Variants in NCKAP5 observed in about 807,000 individuals in gnomAD.
NCKAP5 encodes the protein nck-associated protein 5.
In NCKAP5, 92 loss-of-function variants were observed where a neutral mutation model predicts 167.0. That is an observed-to-expected ratio of 0.55 (90% CI 0.47 to 0.66). The LOEUF (loss-of-function observed/expected upper bound fraction) is 0.66. NCKAP5 is among the 30% of genes least tolerant of loss of function. The pLI, the probability that NCKAP5 is intolerant of heterozygous loss-of-function variation, is 0.00. For missense variants in NCKAP5, 2,378 were observed against 2,315.0 expected (o/e 1.03, Z -0.56); for synonymous variants, 891 against 877.4 (o/e 1.02, Z -0.27).
chr2:133,261,494 C>A (rs1288533043), intron 4 of NCKAP5, among the ~76,000 whole-genome samples: 3 of 152,270 alleles, frequency 2.0e-5, no homozygotes, highest in African/African-American at 7.2e-5. Context: ...CAGACCAGGT[C>A]TTAATAAGTG....
chr2:132,972,303 A>G (rs778905890), intron 7 of NCKAP5, among the ~76,000 whole-genome samples: 5 of 152,212 alleles, frequency 3.3e-5, no homozygotes, highest in Non-Finnish European at 7.3e-5. Flanking sequence ...TCATAGAAGC[A>G]GATGGTATTA....
chr2:132,928,361 T>C (rs1696082292), intron 8 of NCKAP5, among the ~76,000 whole-genome samples: 1 of 152,216 alleles, frequency 6.6e-6, no homozygotes, highest in Admixed American at 6.5e-5. Flanking sequence ...AATGTTTCTT[T>C]GCACCTACAA....
intron 7 of NCKAP5, among the ~76,000 whole-genome samples, chr2:132,983,275 T>G (rs2149273701): frequency 6.6e-6 from 1 of 152,308 alleles, no homozygotes; most frequent in African/African-American, 2.4e-5. Context: ...TGATGACTTC[T>G]TTTCCTGTTT....
chr2:132,952,358 T>C (rs1226350272), intron 8 of NCKAP5, among the ~76,000 whole-genome samples: 1 of 152,178 alleles, frequency 6.6e-6, no homozygotes, highest in Non-Finnish European at 1.5e-5. Flanking sequence ...TTATGCAGAT[T>C]AATTCTTGAC....
intron 5 of NCKAP5, among the ~76,000 whole-genome samples, chr2:133,178,829 CAAAAAAAAA>C (rs66552853): frequency 8.5e-5 from 5 of 58,820 alleles, no homozygotes; most frequent in African/African-American, 3.5e-4. Flanking sequence ...GACTCCGTCT[CAAAAAAAAA>C]AAAAAAAAAA....
intron 8 of NCKAP5, among the ~76,000 whole-genome samples, chr2:132,924,381 T>C (rs553462658): frequency 2.1e-4 from 32 of 152,288 alleles, no homozygotes; most frequent in African/African-American, 5.3e-4. Flanking sequence ...TGAGAATGAC[T>C]TTAAAAGACT....
chr2:133,055,630 T>C (rs1032428452), intron 6 of NCKAP5, among the ~76,000 whole-genome samples: 1 of 151,970 alleles, frequency 6.6e-6, no homozygotes, highest in Non-Finnish European at 1.5e-5. Flanking sequence ...ATAATGGGTA[T>C]AGCCAATTTA....
chr2:133,226,043 C>T (rs1046971352), intron 4 of NCKAP5, among the ~76,000 whole-genome samples: 9 of 151,996 alleles, frequency 5.9e-5, no homozygotes, highest in Middle Eastern at 3.4e-3. Flanking sequence ...CCAAAAGTGC[C>T]CCAGCCTCCC....
At position 132,816,292 on chromosome 2, in the gene NCKAP5, A is replaced by G. The variant is rs1686264350; in HGVS notation, c.808-19563T>C. Among the ~76,000 whole-genome samples the G allele has an allele frequency of 2.0e-5, 3 of 152,132 alleles. No homozygotes were observed. The South Asian group carries it at 6.2e-4, about 32-fold the overall frequency. On this transcript the variant is annotated intron_variant, in intron 11 of 19. Transcript: ENST00000409261. ...TTCGGCAGCAAGCTAAAAAAAGTGCAAAGTCAATAGCAGAGTGTTCAGCTG... is the reference window on the plus strand; with the variant it reads ...TTCGGCAGCAAGCTAAAAAAAGTGCGAAGTCAATAGCAGAGTGTTCAGCTG...
intron 19 of NCKAP5, among the ~76,000 whole-genome samples, chr2:132,717,008 T>C (rs1426837254): frequency 2.0e-5 from 3 of 152,180 alleles, no homozygotes; most frequent in African/African-American, 4.8e-5. Flanking sequence ...AAACTCAGCA[T>C]AGTGCACACC....
At chr2:133,188,015 C>A (rs1028639035) in intron 5 of NCKAP5, among the ~76,000 whole-genome samples, 1 of 152,008 alleles carries the variant, frequency 6.6e-6, no homozygotes, top group East Asian at 1.9e-4. Flanking sequence ...ATCCTGTCAT[C>A]ATGATGTTAG....
At chr2:133,218,911 T>A (rs188086825) in intron 4 of NCKAP5, among the ~76,000 whole-genome samples, 4 of 152,330 alleles carry the variant, frequency 2.6e-5, no homozygotes, top group African/African-American at 9.6e-5. Context: ...ATAATGGTTT[T>A]AGTCATTACA....
chr2:133,570,213 G>A (rs1265443665), upstream of NCKAP5, among the ~76,000 whole-genome samples: 3 of 152,010 alleles, frequency 2.0e-5, no homozygotes, highest in Admixed American at 6.6e-5. Flanking sequence ...GATTAACAGT[G>A]GTTACCCTCG....
intron 5 of NCKAP5, among the ~76,000 whole-genome samples, chr2:133,198,898 G>A (rs1233723758): frequency 6.6e-6 from 1 of 151,988 alleles, no homozygotes; most frequent in Non-Finnish European, 1.5e-5. Context: ...AAACAGTGTG[G>A]TATTTGCAAA....
chr2:132,849,055 A>G (rs72847260), intron 11 of NCKAP5, among the ~76,000 whole-genome samples: 25,891 of 152,178 alleles, frequency 0.17, 2,657 homozygotes, highest in East Asian at 0.31. Context: ...TATGATGCAG[A>G]TGATCATCGT....
intron 6 of NCKAP5, among the ~76,000 whole-genome samples, chr2:133,036,657 A>C (rs1269714167): frequency 2.0e-5 from 3 of 152,032 alleles, no homozygotes; most frequent in Non-Finnish European, 4.4e-5. Context: ...TAGGGATAGA[A>C]GGAACATACC....
At position 132,784,326 on chromosome 2, in the gene NCKAP5, C is replaced by T; in HGVS notation, c.2485G>A (p.Gly829Ser). 3 of 1,613,972 alleles carry T rather than the reference C, an allele frequency of 1.9e-6. No individual in the cohort carries two copies. The highest frequency in any genetic ancestry group is 1.7e-4 in the Middle Eastern group (1 of 6,060). ...PEATTLLPSS[G>S]LVTLEKSPAL... Reference sequence around the variant, plus strand: ...GGTGATTTTTCAAGAGTCACCAGGCCAGATGAAGGGAGTAGTGTGGTGGCT... The same window carrying T: ...GGTGATTTTTCAAGAGTCACCAGGCTAGATGAAGGGAGTAGTGTGGTGGCT... The change falls in exon 14 of 20, where the codon GGC becomes AGC. Residue 829 changes from glycine to serine, a missense_variant. Physicochemically the swap from Gly to Ser is moderately conservative, Grantham distance 56. Coordinates refer to ENST00000409261, the MANE Select transcript of NCKAP5 (RefSeq NM_207363.3).
chr2:133,560,392 T>C (rs1482157717), intron 1 of NCKAP5, among the ~76,000 whole-genome samples: 1 of 152,016 alleles, frequency 6.6e-6, no homozygotes, highest in African/African-American at 2.4e-5. Context: ...GATGGGGAGA[T>C]GTTCTTAATC....
At chr2:133,157,697 C>T (rs967219626) in intron 5 of NCKAP5, among the ~76,000 whole-genome samples, 1 of 151,188 alleles carries the variant, frequency 6.6e-6, no homozygotes, top group African/African-American at 2.4e-5. Context: ...GCATTTGGCA[C>T]TCACTTTGAG....
Sources: allele counts gnomAD v4.1 joint callset (sites outside exome capture counted in the v4.1 genomes callset), GRCh38; gene constraint gnomAD v4.1.1; transcripts MANE v1.5; gene names NCBI Gene and HGNC (gene_info 2026-07-23, HGNC 2026-07-21).